The following CDH12 variants were observed in gnomAD, a reference collection of about 807,000 sequenced individuals.
CDH12 encodes cadherin 12.
A neutral mutation model predicts 74.1 loss-of-function variants in CDH12; 41 were observed. The observed-to-expected ratio is 0.55, with a 90% CI of 0.43 to 0.72. The LOEUF (loss-of-function observed/expected upper bound fraction) is 0.72, where lower values mean the gene tolerates loss of function less well. CDH12 is among the 30% of genes least tolerant of loss of function. The probability of loss-of-function intolerance (pLI) is 0.00; values close to 1 mark genes in which losing one functional copy is unlikely to be tolerated. For synonymous variants in CDH12, 399 were observed against 355.0 expected (o/e 1.12, Z -1.39); for missense variants, 945 against 977.2 (o/e 0.97, Z 0.44).
chr5:22,718,137 C>A (rs1239442852), intron 1 of CDH12, among the ~76,000 whole-genome samples: 1 of 152,210 alleles, frequency 6.6e-6, no homozygotes, highest in African/African-American at 2.4e-5. Flanking sequence ...GCTCAATTAT[C>A]ATTTCCTGAA....
intron 5 of CDH12, among the ~76,000 whole-genome samples, chr5:22,066,893 A>G (rs529509530): frequency 2.0e-5 from 3 of 152,278 alleles, no homozygotes; most frequent in South Asian, 2.1e-4. Context: ...GGTGACTCCA[A>G]CTGCAACTGT....
intron 1 of CDH12, among the ~76,000 whole-genome samples, chr5:22,705,889 C>CTA (rs368780159): frequency 4.6e-5 from 7 of 151,250 alleles, no homozygotes; most frequent in South Asian, 2.1e-4. Context: ...TATACAAATG[C>CTA]TATATATATA....
intron 2 of CDH12, among the ~76,000 whole-genome samples, chr5:22,494,704 T>A (rs957661296): frequency 1.3e-5 from 2 of 152,204 alleles, no homozygotes; most frequent in African/African-American, 4.8e-5. Context: ...AGTGAGGACT[T>A]ACTCTACCAG....
At chr5:22,245,331 T>C (rs545037663) in intron 3 of CDH12, among the ~76,000 whole-genome samples, 1 of 152,104 alleles carries the variant, frequency 6.6e-6, no homozygotes, top group South Asian at 2.1e-4. Context: ...CCTGCAGGTG[T>C]TATAAAATTT....
intron 6 of CDH12, among the ~76,000 whole-genome samples, chr5:21,900,915 A>G (rs1753356319): frequency 6.6e-6 from 1 of 152,236 alleles, no homozygotes; most frequent in Non-Finnish European, 1.5e-5. Context: ...CACAGCCCAC[A>G]TAGCACATGC....
chr5:22,551,288 T>C (rs1738556665), intron 1 of CDH12, among the ~76,000 whole-genome samples: 1 of 152,162 alleles, frequency 6.6e-6, no homozygotes, highest in South Asian at 2.1e-4. Flanking sequence ...AGAATCAATC[T>C]TCTGGCACCT....
chr5:21,995,479 A>G (rs1269822818), intron 5 of CDH12, among the ~76,000 whole-genome samples: 1 of 152,030 alleles, frequency 6.6e-6, no homozygotes, highest in Non-Finnish European at 1.5e-5. Flanking sequence ...ACTGTGCTCC[A>G]TGCCAGTATT....
intron 5 of CDH12, among the ~76,000 whole-genome samples, chr5:22,010,992 C>T (rs537707550): frequency 1.6e-4 from 24 of 152,108 alleles, no homozygotes; most frequent in African/African-American, 5.8e-4. Flanking sequence ...TTGATTCATG[C>T]TTGCGTCATT....
intron 1 of CDH12, among the ~76,000 whole-genome samples, chr5:22,735,772 T>C (rs561674452): frequency 6.6e-6 from 1 of 152,048 alleles, no homozygotes; most frequent in East Asian, 1.9e-4. Flanking sequence ...CTTAGTTTAA[T>C]TGAAAAATGA....
At chr5:21,813,558 C>T (rs1022583873) in intron 9 of CDH12, among the ~76,000 whole-genome samples, 16 of 152,264 alleles carry the variant, frequency 1.1e-4, no homozygotes, top group African/African-American at 2.6e-4. Flanking sequence ...CTCTATATCA[C>T]GATCTGTTAA....
chr5:22,497,024 T>C (rs1747129792), intron 2 of CDH12, among the ~76,000 whole-genome samples: 2 of 152,182 alleles, frequency 1.3e-5, no homozygotes, highest in African/African-American at 2.4e-5. Flanking sequence ...CTTAGACTTT[T>C]AGCGTCATTT....
intron 1 of CDH12, among the ~76,000 whole-genome samples, chr5:22,832,113 A>T (rs149255564): frequency 2.0e-5 from 3 of 152,144 alleles, no homozygotes; most frequent in African/African-American, 7.2e-5. Context: ...ATCTAAAAGG[A>T]TGGGCTTTGG....
intron 3 of CDH12, among the ~76,000 whole-genome samples, chr5:22,258,308 A>T (rs1753390836): frequency 1.3e-5 from 2 of 152,088 alleles, no homozygotes; most frequent in African/African-American, 4.8e-5. Context: ...TAGTTTTGAA[A>T]GACAAAAGGC....
At chr5:22,393,712 G>A (rs949222583) in intron 3 of CDH12, among the ~76,000 whole-genome samples, 1 of 152,134 alleles carries the variant, frequency 6.6e-6, no homozygotes, top group African/African-American at 2.4e-5. Context: ...GAGAAACATG[G>A]TAGAGAAAGT....
chr5:22,518,133 G>T (rs1736885272), intron 1 of CDH12, among the ~76,000 whole-genome samples: 1 of 152,200 alleles, frequency 6.6e-6, no homozygotes, highest in Non-Finnish European at 1.5e-5. Context: ...GCTCATCTGA[G>T]TTATAGTAAT....
intron 4 of CDH12, among the ~76,000 whole-genome samples, chr5:22,146,313 T>C (rs1747173273): frequency 1.3e-5 from 2 of 152,084 alleles, no homozygotes; most frequent in African/African-American, 4.8e-5. Flanking sequence ...TTAAAAAAGG[T>C]TAATCTTTTA....
chr5:22,224,301 G>C (rs1425423715), intron 3 of CDH12, among the ~76,000 whole-genome samples: 1 of 151,970 alleles, frequency 6.6e-6, no homozygotes, highest in African/African-American at 2.4e-5. Context: ...CTTAAGGTGA[G>C]CAAAATCATA....
intron 1 of CDH12, among the ~76,000 whole-genome samples, chr5:22,834,803 A>G (rs1326298674): frequency 3.3e-5 from 5 of 152,102 alleles, no homozygotes; most frequent in African/African-American, 1.2e-4. Context: ...AAGCCATTTG[A>G]CATACACTTC....
intron 1 of CDH12, among the ~76,000 whole-genome samples, chr5:22,744,384 G>A (rs1745189743): frequency 6.6e-6 from 1 of 151,950 alleles, no homozygotes; most frequent in Middle Eastern, 3.4e-3. Context: ...AGCTGAGATT[G>A]CGCCACTGCA....
Sources: allele counts gnomAD v4.1 joint callset (sites outside exome capture counted in the v4.1 genomes callset), GRCh38; gene constraint gnomAD v4.1.1; transcripts MANE v1.5; gene names NCBI Gene and HGNC (gene_info 2026-07-23, HGNC 2026-07-21).